The following LRMDA variants were observed in gnomAD, a reference collection of about 807,000 sequenced individuals.
The protein encoded by LRMDA is leucine rich melanocyte differentiation associated, also known as leucine-rich melanocyte differentiation-associated protein.
Under a neutral mutation model 29.8 loss-of-function variants are expected in LRMDA, and 18 were observed. That is an observed-to-expected ratio of 0.60 (90% confidence interval 0.42 to 0.90). The LOEUF is 0.90. Ranked by LOEUF, LRMDA falls within the 40% of genes least tolerant of loss-of-function variation. The probability of loss-of-function intolerance (pLI) is 0.00; values close to 1 mark genes in which losing one functional copy is unlikely to be tolerated. For missense variants in LRMDA, 273 were observed against 273.9 expected (o/e 1.00, Z 0.02); for synonymous variants, 125 against 109.4 (o/e 1.14, Z -0.89).
chr10:76,526,594 G>A (rs373101453), intron 6 of LRMDA, among the ~76,000 whole-genome samples: 8 of 152,210 alleles, frequency 5.3e-5, no homozygotes, highest in Admixed American at 2.6e-4. Flanking sequence ...ATAAAAGGGA[G>A]CCAATGCATA....
At chr10:75,545,627 T>A (rs1369084665) in intron 2 of LRMDA, among the ~76,000 whole-genome samples, 3 of 152,152 alleles carry the variant, frequency 2.0e-5, no homozygotes, top group Admixed American at 6.5e-5. Context: ...GAGATCATCT[T>A]ACTAACATTT....
rs529447688 is a variant in LRMDA at position 75,481,127 on chromosome 10, A to G, written c.131+42633A>G. Among the ~76,000 whole-genome samples, 20 of 152,216 alleles carry G rather than the reference A, an allele frequency of 1.3e-4. 1 individual carries two copies. In the South Asian group the frequency reaches 4.2e-3, roughly 32 times the overall value. On this transcript the variant is annotated intron_variant, in intron 2 of 6. Coordinates refer to ENST00000611255, the MANE Select transcript of LRMDA (RefSeq NM_001305581.2). ...CAGGACACAGTAGATATATAGCTCT[A>G]GGGTTGAGAGTGAAGTCTCAGAAGG...
intron 6 of LRMDA, among the ~76,000 whole-genome samples, chr10:76,412,545 C>A (rs1186160406): frequency 6.6e-6 from 1 of 152,116 alleles, no homozygotes; most frequent in Admixed American, 6.5e-5. Context: ...GGGGACTCTG[C>A]CCTTTCTAGG....
chr10:76,268,095 T>C (rs995485966), intron 5 of LRMDA, among the ~76,000 whole-genome samples: 3 of 152,170 alleles, frequency 2.0e-5, no homozygotes, highest in East Asian at 1.9e-4. Flanking sequence ...CAGAACATAC[T>C]AGAGTGCCAG....
intron 5 of LRMDA, among the ~76,000 whole-genome samples, chr10:76,312,983 T>C (rs1240322303): frequency 6.6e-6 from 1 of 152,016 alleles, no homozygotes; most frequent in Non-Finnish European, 1.5e-5. Flanking sequence ...ATAGCTAACA[T>C]CCATGAGCAG....
chr10:75,960,568 G>T (rs1846746593), intron 2 of LRMDA, among the ~76,000 whole-genome samples: 1 of 152,152 alleles, frequency 6.6e-6, no homozygotes, highest in Non-Finnish European at 1.5e-5. Context: ...TGATTGGGAA[G>T]AAATTGATTT....
intron 2 of LRMDA, among the ~76,000 whole-genome samples, chr10:75,871,114 C>T (rs1380553355): frequency 2.0e-5 from 3 of 152,206 alleles, no homozygotes; most frequent in Non-Finnish European, 4.4e-5. Context: ...ATGACCATTT[C>T]CCCTAGCTGT....
intron 2 of LRMDA, among the ~76,000 whole-genome samples, chr10:75,834,221 A>G (rs1323309373): frequency 1.3e-5 from 2 of 152,194 alleles, no homozygotes. Context: ...GATTCATTCC[A>G]TGAGACAAAA....
intron 2 of LRMDA, among the ~76,000 whole-genome samples, chr10:75,692,219 A>AAAAAT (rs1353540469): frequency 1.1e-5 from 1 of 87,548 alleles, no homozygotes; most frequent in African/African-American, 5.5e-5. Flanking sequence ...AAAAAAAAAA[A>AAAAAT]ATATATATAT....
chr10:75,471,314 T>C (rs2132045893), intron 2 of LRMDA, among the ~76,000 whole-genome samples: 1 of 151,374 alleles, frequency 6.6e-6, no homozygotes, highest in South Asian at 2.1e-4. Flanking sequence ...TTTTTTTTTT[T>C]CTGTTGAAAA....
At chr10:76,229,995 C>T (rs889333425) in intron 5 of LRMDA, among the ~76,000 whole-genome samples, 1 of 151,970 alleles carries the variant, frequency 6.6e-6, no homozygotes, top group East Asian at 1.9e-4. Flanking sequence ...CCCTGGAGCC[C>T]CCTGGGACCA....
At chr10:76,197,071 G>A (rs1206221902) in intron 5 of LRMDA, among the ~76,000 whole-genome samples, 3 of 152,120 alleles carry the variant, frequency 2.0e-5, no homozygotes, top group Non-Finnish European at 4.4e-5. Context: ...TCAGCTATTG[G>A]AAGACACCTG....
intron 2 of LRMDA, among the ~76,000 whole-genome samples, chr10:75,791,856 C>CTTT (rs5786188): frequency 7.1e-4 from 72 of 102,064 alleles, no homozygotes; most frequent in Non-Finnish European, 1.0e-3. Flanking sequence ...ATTCCAGGAT[C>CTTT]TTTTTTTTTT....
chr10:76,218,047 T>C (rs565055932), intron 5 of LRMDA, among the ~76,000 whole-genome samples: 4 of 152,338 alleles, frequency 2.6e-5, no homozygotes, highest in African/African-American at 9.6e-5. Context: ...CCTGTAGTTT[T>C]TCATCCTGAT....
intron 2 of LRMDA, among the ~76,000 whole-genome samples, chr10:75,953,661 T>C (rs1846616417): frequency 6.6e-6 from 1 of 152,162 alleles, no homozygotes; most frequent in South Asian, 2.1e-4. Flanking sequence ...CTCTATTTAA[T>C]AAAATAATGT....
chr10:76,288,949 A>G (rs1213970592), intron 5 of LRMDA, among the ~76,000 whole-genome samples: 1 of 152,236 alleles, frequency 6.6e-6, no homozygotes, highest in Non-Finnish European at 1.5e-5. Context: ...GTTTCCTCCA[A>G]TAAAGTAGTA....
At chr10:75,907,439 A>G (rs1845775885) in intron 2 of LRMDA, among the ~76,000 whole-genome samples, 1 of 152,206 alleles carries the variant, frequency 6.6e-6, no homozygotes, top group Non-Finnish European at 1.5e-5. Flanking sequence ...AAAGTTTTCT[A>G]AACTCATTCT....
At chr10:76,074,638 A>C (rs1848928794) in intron 5 of LRMDA, among the ~76,000 whole-genome samples, 1 of 152,192 alleles carries the variant, frequency 6.6e-6, no homozygotes, top group Non-Finnish European at 1.5e-5. Flanking sequence ...GACCGTGCTC[A>C]CTAAAATGCC....
intron 6 of LRMDA, among the ~76,000 whole-genome samples, chr10:76,426,429 A>G (rs200389316): frequency 1.3e-5 from 2 of 152,144 alleles, no homozygotes; most frequent in East Asian, 3.9e-4. Flanking sequence ...CATATCCTTC[A>G]CCCACTTTTT....
Sources: allele counts gnomAD v4.1 joint callset (sites outside exome capture counted in the v4.1 genomes callset), GRCh38; gene constraint gnomAD v4.1.1; transcripts MANE v1.5; gene names NCBI Gene and HGNC (gene_info 2026-07-23, HGNC 2026-07-21).